ADAMTS3: variants seen among roughly 807,000 people sequenced by gnomAD.
ADAMTS3 encodes the protein A disintegrin and metalloproteinase with thrombospondin motifs 3.
ADAMTS3 carries 73 observed loss-of-function variants against 129.0 expected under a neutral mutation model. The observed-to-expected ratio is 0.57, with a 90% CI of 0.47 to 0.69. ADAMTS3 has a LOEUF of 0.69. Ranked by LOEUF, ADAMTS3 falls within the 30% of genes least tolerant of loss-of-function variation. The pLI, the probability that ADAMTS3 is intolerant of heterozygous loss-of-function variation, is 0.00. For synonymous variants in ADAMTS3, 477 were observed against 510.8 expected (o/e 0.93, Z 0.89); for missense variants, 1,457 against 1,514.5 (o/e 0.96, Z 0.63).
intron 3 of ADAMTS3, among the ~76,000 whole-genome samples, chr4:72,527,587 A>G (rs1335752013): frequency 6.6e-6 from 1 of 152,162 alleles, no homozygotes; most frequent in Non-Finnish European, 1.5e-5. Flanking sequence ...AGAAGCAGCG[A>G]GAGTAAGAAT....
intron 4 of ADAMTS3, among the ~76,000 whole-genome samples, chr4:72,359,537 A>C (rs527505557): frequency 1.3e-5 from 2 of 152,152 alleles, no homozygotes; most frequent in Admixed American, 1.3e-4. Context: ...AGTATGGGGA[A>C]AAGGCCATGA....
At chr4:72,454,815 G>A (rs1285962543) in intron 3 of ADAMTS3, among the ~76,000 whole-genome samples, 1 of 151,664 alleles carries the variant, frequency 6.6e-6, no homozygotes, top group Non-Finnish European at 1.5e-5. Context: ...AATCTGGGCT[G>A]TGGACAAGTC....
intron 3 of ADAMTS3, among the ~76,000 whole-genome samples, chr4:72,507,755 T>C (rs967004299): frequency 7.9e-5 from 12 of 152,148 alleles, no homozygotes; most frequent in Admixed American, 6.6e-5. Context: ...CAGATTGTCA[T>C]AAAATCAAGA....
At chr4:72,499,177 C>T (rs1346227525) in intron 3 of ADAMTS3, among the ~76,000 whole-genome samples, 1 of 152,164 alleles carries the variant, frequency 6.6e-6, no homozygotes, top group Non-Finnish European at 1.5e-5. Context: ...ATTCAGAAGA[C>T]ATCTTCCATT....
intron 3 of ADAMTS3, among the ~76,000 whole-genome samples, chr4:72,470,361 T>TTATA (rs143241307): frequency 0.011 from 1,297 of 116,418 alleles, 18 homozygotes; most frequent in East Asian, 0.032. Context: ...TATTTTAAGT[T>TTATA]TATATATATA....
intron 14 of ADAMTS3, 117 bp downstream of exon 14, chr4:72,310,931 A>G: frequency 1.0e-6 from 1 of 975,042 alleles, no homozygotes. Context: ...CTATTCATAG[A>G]CACTTACTAT....
chr4:72,396,867 T>C (rs1432114127), intron 4 of ADAMTS3, among the ~76,000 whole-genome samples: 1 of 152,226 alleles, frequency 6.6e-6, no homozygotes, highest in Non-Finnish European at 1.5e-5. Context: ...GGAATGCTGT[T>C]GCGCTTTTAT....
intron 3 of ADAMTS3, among the ~76,000 whole-genome samples, chr4:72,536,619 A>C (rs1027842971): frequency 5.9e-5 from 9 of 152,188 alleles, no homozygotes; most frequent in African/African-American, 2.2e-4. Context: ...TTACTGAAGG[A>C]AAGAGACCTT....
chr4:72,503,197 T>C (rs1720072380), intron 3 of ADAMTS3, among the ~76,000 whole-genome samples: 1 of 151,942 alleles, frequency 6.6e-6, no homozygotes, highest in South Asian at 2.1e-4. Flanking sequence ...TAATTTTTTG[T>C]ATTTTACTAG....
intron 3 of ADAMTS3, among the ~76,000 whole-genome samples, chr4:72,432,630 A>G (rs548988673): frequency 5.9e-5 from 9 of 151,982 alleles, no homozygotes; most frequent in Non-Finnish European, 8.8e-5. Context: ...AAAGATTATG[A>G]TACTTAAGTA....
intron 3 of ADAMTS3, among the ~76,000 whole-genome samples, chr4:72,464,999 T>C (rs1264220473): frequency 1.3e-5 from 2 of 151,996 alleles, no homozygotes; most frequent in African/African-American, 2.4e-5. Flanking sequence ...GGAAATGTAA[T>C]GGTAACAAGA....
At position 72,312,482 on chromosome 4, in the gene ADAMTS3, C is replaced by T. The variant is rs745746869; in HGVS notation, c.1746-16G>A. On this transcript the variant is annotated splice_polypyrimidine_tract_variant and intron_variant, in intron 12 of 21. Transcript: ENST00000286657. ...ATTGATGGGCCTAAAGAAAAGACAA[C>T]ATTTAAAAAGGCCTTTTGGCTTCTG... The T allele has an allele frequency of 1.5e-5, 24 of 1,611,960 alleles. No individual in the cohort carries two copies. The highest frequency in any genetic ancestry group is 1.9e-5 in the Non-Finnish European group (22 of 1,178,782).
In ADAMTS3 at chr4:72,534,811, A is replaced by G. The variant is rs368977162; in HGVS notation, c.504+13667T>C. ...CATGTTCCTAATTTTTTTTCCAAGC[A>G]TAACATATAAAAAGAGATCCCTTTC... On this transcript the variant is annotated intron_variant, in intron 3 of 21. Coordinates refer to ENST00000286657, the MANE Select transcript of ADAMTS3 (RefSeq NM_014243.3). Among the ~76,000 whole-genome samples the G allele has an allele frequency of 2.8e-3, 424 of 152,316 alleles. 2 individuals carry two copies. The highest frequency in any genetic ancestry group is 1.0e-2 in the African/African-American group (414 of 41,564).
In ADAMTS3 at chr4:72,283,719, A is replaced by G; in HGVS notation, c.3050-15T>C. 1 of 1,537,660 alleles carries G rather than the reference A, an allele frequency of 6.5e-7. No individual in the cohort carries two copies. The highest frequency in any genetic ancestry group is 1.2e-5 in the South Asian group (1 of 81,130). On this transcript the variant is annotated splice_polypyrimidine_tract_variant and intron_variant, in intron 21 of 21. Transcript: ENST00000286657. ...ACATGGTTCATCTGCAAAAATAAAA[A>G]GAAAATAAACTAACACTAGCATCTA...
intron 2 of ADAMTS3, among the ~76,000 whole-genome samples, chr4:72,549,990 AAG>A (rs1491445100): frequency 1.5e-3 from 17 of 11,408 alleles, no homozygotes; most frequent in African/African-American, 8.6e-3. Flanking sequence ...GAAGAAGAAG[AAG>A]AGGAAGAGGA....
At chr4:72,555,578 T>A (rs1291788574) in intron 2 of ADAMTS3, among the ~76,000 whole-genome samples, 1 of 151,878 alleles carries the variant, frequency 6.6e-6, no homozygotes, top group African/African-American at 2.4e-5. Context: ...AAAAGTTTTT[T>A]AAAAATCTCT....
chr4:72,298,928 A>G (rs1374497002), intron 17 of ADAMTS3, among the ~76,000 whole-genome samples: 1 of 151,934 alleles, frequency 6.6e-6, no homozygotes, highest in Non-Finnish European at 1.5e-5. Flanking sequence ...AAAGATAGTA[A>G]TGTTCCCTCC....
chr4:72,418,498 G>C (rs1198882438), intron 3 of ADAMTS3, among the ~76,000 whole-genome samples: 3 of 152,172 alleles, frequency 2.0e-5, no homozygotes, highest in Non-Finnish European at 4.4e-5. Context: ...AGTCCAGGTT[G>C]ACAGTGGCTC....
chr4:72,349,411 G>A (rs1049910343), intron 4 of ADAMTS3, among the ~76,000 whole-genome samples: 1 of 151,882 alleles, frequency 6.6e-6, no homozygotes, highest in East Asian at 1.9e-4. Context: ...GCTACACTAA[G>A]AGAATCTATA....
Sources: gnomAD v4.1 joint callset for allele counts (sites outside exome capture counted in the v4.1 genomes callset) on GRCh38, gnomAD v4.1.1 for gene constraint, MANE v1.5 for transcripts, NCBI Gene and HGNC (gene_info 2026-07-23, HGNC 2026-07-21) for gene names.